Variants in ALDH1L1 observed in about 807,000 individuals in gnomAD.
ALDH1L1 encodes the protein aldehyde dehydrogenase 1 family member L1.
In ALDH1L1, 68 loss-of-function variants were observed where a neutral mutation model predicts 101.1. That is an observed-to-expected ratio of 0.67 (90% CI 0.55 to 0.82). The LOEUF (loss-of-function observed/expected upper bound fraction) is 0.82. Ranked by LOEUF, ALDH1L1 falls within the 40% of genes least tolerant of loss-of-function variation. The pLI is 0.00. For synonymous variants in ALDH1L1, 486 were observed against 470.8 expected, an observed-to-expected ratio of 1.03 and a Z score of -0.42; for missense variants, 1,087 against 1,172.7, an observed-to-expected ratio of 0.93 and a Z score of 1.07.
At chr3:126,119,671 C>T (rs928832524) in intron 16 of ALDH1L1, among the ~76,000 whole-genome samples, 5 of 152,188 alleles carry the variant, frequency 3.3e-5, no homozygotes, top group Non-Finnish European at 7.3e-5. Context: ...ATACTAACTC[C>T]ATTCCACCAC....
upstream of ALDH1L1, among the ~76,000 whole-genome samples, chr3:126,182,444 C>A (rs987915694): frequency 6.6e-6 from 1 of 152,218 alleles, no homozygotes; most frequent in African/African-American, 2.4e-5. Context: ...TGAGCCACTG[C>A]ACCCTGCCTT....
rs9837946 is a variant in ALDH1L1 at position 126,111,047 on chromosome 3, C to G, written c.2182-938G>C. Among the ~76,000 whole-genome samples, 1,094 of 152,346 alleles carry G rather than the reference C, an allele frequency of 7.2e-3. 3 individuals carry two copies. Among genetic ancestry groups the G allele is most frequent in the Non-Finnish European group, 0.012 (784 of 68,016 alleles). ...TCTGTGTCCCCGCAGTCACACTCCC[C>G]CCATGACCGCCACTTTATCTCCAGT... On this transcript the variant is annotated intron_variant, in intron 19 of 22. Coordinates refer to ENST00000393434, the MANE Select transcript of ALDH1L1 (RefSeq NM_012190.4).
chr3:126,174,492 G>A (rs530446509), intron 1 of ALDH1L1, among the ~76,000 whole-genome samples: 3 of 152,132 alleles, frequency 2.0e-5, no homozygotes, highest in Non-Finnish European at 4.4e-5. Flanking sequence ...CATCAAGACA[G>A]ACCACATTCT....
Position 126,136,618 on chromosome 3 carries a change from G to A in ALDH1L1, c.1344+146C>T, listed in dbSNP as rs1285375997. 113 of 1,342,472 alleles carry A rather than the reference G, an allele frequency of 8.4e-5. 1 individual carries two copies. In the East Asian group the frequency reaches 2.2e-3, roughly 26 times the overall value. The allele number at this position is 1,342,472 out of a possible 1,614,324, so 83.2% of individuals were successfully genotyped here. On this transcript the variant is annotated intron_variant, in intron 11 of 22. Transcript: ENST00000393434. ...CACTCCAGTAAGGTGGGCTGGAAAC[G>A]ACCTGGCATTCTTTCCCGTCCCTCT...
At chr3:126,120,546 G>C (rs2080059103) in intron 16 of ALDH1L1, among the ~76,000 whole-genome samples, 1 of 152,202 alleles carries the variant, frequency 6.6e-6, no homozygotes, top group African/African-American at 2.4e-5. Context: ...GGATTACACA[G>C]TTGTCAAAAC....
At chr3:126,179,182 G>A (rs538421510) in intron 1 of ALDH1L1, among the ~76,000 whole-genome samples, 29 of 152,358 alleles carry the variant, frequency 1.9e-4, no homozygotes, top group African/African-American at 7.0e-4. Context: ...CCCCAGTCAT[G>A]GCCGCTCAGT....
chr3:126,153,951 G>A (rs1268151427), intron 6 of ALDH1L1, among the ~76,000 whole-genome samples: 13 of 152,250 alleles, frequency 8.5e-5, no homozygotes, highest in African/African-American at 2.9e-4. Context: ...ATCAGAAGAT[G>A]CATTTGCTAG....
At chr3:126,155,702 G>A (rs985514740) in intron 4 of ALDH1L1, 199 bp from the exon 5 acceptor site, 31 of 505,540 alleles carry the variant, frequency 6.1e-5, no homozygotes, top group African/African-American at 2.8e-4. Context: ...ACACAGACCC[G>A]TCCTCTCTAC....
intron 17 of ALDH1L1, chr3:126,115,411 G>C (rs145456592): frequency 5.2e-6 from 1 of 193,718 alleles, no homozygotes; most frequent in South Asian, 9.0e-5. Flanking sequence ...TGTGTGACAC[G>C]GCTGCCTGGG....
In ALDH1L1 at chr3:126,188,427, G is replaced by A. The variant is rs117162828; in HGVS notation, c.-24+9308C>T. ...CTGGAACCAATGCCTTGCAGATACC[G>A]AGAGACCACTGTGCTCCTAAGTTAG... On this transcript the variant is annotated intron_variant, in intron 1 of 2. Coordinates refer to the ALDH1L1 transcript ENST00000509952. Among the ~76,000 whole-genome samples the A allele has an allele frequency of 2.5e-3, 381 of 152,220 alleles. 9 individuals are homozygous for A. In the East Asian group the frequency reaches 0.062, roughly 25 times the overall value.
intron 3 of ALDH1L1, 94 bp downstream of exon 3, chr3:126,158,311 C>T: frequency 8.0e-7 from 1 of 1,255,182 alleles, no homozygotes; most frequent in Non-Finnish European, 1.1e-6. Context: ...CACTCTGCAG[C>T]CCTAGAAATG....
intron 1 of ALDH1L1, chr3:126,197,664 C>T (rs1559989071): frequency 1.3e-5 from 2 of 151,942 alleles, no homozygotes; most frequent in Non-Finnish European, 2.9e-5. Context: ...CTCCGAAATC[C>T]GAGAGAGAAT....
rs75338613 is a variant in ALDH1L1, at chr3:126,159,291, C to T, written c.128-652G>A. 8.8e-3 allele frequency: 3,456 copies of T among 390,584 alleles called. 24 individuals carry two copies. Among genetic ancestry groups the T allele is most frequent in the Non-Finnish European group, 0.014 (2,725 of 198,240 alleles). The allele number at this position is 390,584 out of a possible 1,614,324, so 24.2% of individuals were successfully genotyped here. A position where few individuals can be genotyped will look rare whatever the true frequency, so the allele number is the denominator to read the frequency against. On this transcript the variant is annotated intron_variant, in intron 2 of 22. Coordinates refer to ENST00000393434, the MANE Select transcript of ALDH1L1 (RefSeq NM_012190.4). ...GCCTGCAGGGCCCCTCCTCCTGCCC[C>T]GTCACCAGCACACCCTCCTCACAGG...
In ALDH1L1 at chr3:126,137,895, G is replaced by C. The variant is rs1397034208; in HGVS notation, c.1142C>G (p.Ala381Gly). ...CTGGATGAAGTCCCCAAAGGTGGAT[G>C]CCATGTACACATCTTCATTTTCTAA... ...LELENEDVYMASTFGDFIQLL... is the reference protein window; with the variant it reads ...LELENEDVYMGSTFGDFIQLL... The change falls in exon 10 of 23, where the codon GCA (alanine) becomes GGA (glycine). Residue 381 changes from alanine to glycine, a missense_variant. This residue lies in a region of ALDH1L1 where 645 missense variants were observed against 637.0 expected (regional missense o/e 1.01). Coordinates refer to ENST00000393434, the MANE Select transcript of ALDH1L1 (RefSeq NM_012190.4). The C allele has an allele frequency of 1.7e-5, 27 of 1,614,216 alleles. No homozygotes were observed. Among genetic ancestry groups the C allele is most frequent in the Non-Finnish European group, 2.0e-5 (24 of 1,180,042 alleles).
rs749941071 is a variant in ALDH1L1 at position 126,155,483 on chromosome 3, G to A, written c.549C>T (p.Ile183=). ...GGAGTCTGGGGGCTTTGCCCTCAGC[G>A]ATCAGCCTCACGGCCTGCACCTGGG... ...IKGMVQAVRL[I]AEGKAPRLPQ... Residue 183 remains isoleucine (I), a synonymous_variant, in exon 5 of 23, where the codon ATC becomes ATT. Transcript: ENST00000393434. 1.2e-5 allele frequency: 19 copies of A among 1,612,632 alleles called. No individual in the cohort carries two copies. The highest frequency in any genetic ancestry group is 6.6e-5 in the South Asian group (6 of 90,680).
In ALDH1L1 at chr3:126,130,298, A is replaced by G; in HGVS notation, c.1624-5T>C. The G allele has an allele frequency of 6.2e-7, 1 of 1,606,756 alleles. No homozygotes were observed. Among genetic ancestry groups the G allele is most frequent in the African/African-American group, 1.3e-5 (1 of 74,746 alleles). On this transcript the variant is annotated splice_region_variant and splice_polypyrimidine_tract_variant and intron_variant, in intron 13 of 22. Coordinates refer to ENST00000393434, the MANE Select transcript of ALDH1L1 (RefSeq NM_012190.4). Reference sequence around the variant, plus strand: ...GTTGATGGGGATGGTGGAGCCCTGGAAGAGGAACAGGGGCAGTCACCCAGG... The same window carrying G: ...GTTGATGGGGATGGTGGAGCCCTGGGAGAGGAACAGGGGCAGTCACCCAGG...
At chr3:126,158,790 G>C in intron 2 of ALDH1L1, 151 bp from the exon 3 acceptor site, 1 of 709,910 alleles carries the variant, frequency 1.4e-6, no homozygotes, top group South Asian at 1.8e-5. Flanking sequence ...CAACACAGAC[G>C]GATGCACCAG....
At chr3:126,160,759 G>C in intron 2 of ALDH1L1, 94 bp downstream of exon 2, 1 of 1,547,068 alleles carries the variant, frequency 6.5e-7, no homozygotes, top group South Asian at 1.3e-5. Context: ...AGGCCCTGCA[G>C]ACTTCTGCTC....
chr3:126,130,626 G>T (rs2080281625), intron 13 of ALDH1L1, among the ~76,000 whole-genome samples: 1 of 152,348 alleles, frequency 6.6e-6, no homozygotes, highest in African/African-American at 2.4e-5. Flanking sequence ...AGAAGGCCCA[G>T]GCCTTGGGGG....
Sources: allele counts gnomAD v4.1 joint callset (sites outside exome capture counted in the v4.1 genomes callset), GRCh38; gene constraint gnomAD v4.1.1; regional missense constraint gnomAD v4.1.1; transcripts MANE v1.5; gene names NCBI Gene and HGNC (gene_info 2026-07-23, HGNC 2026-07-21).